The following TNNI3K variants were observed in gnomAD, a reference collection of about 807,000 sequenced individuals.
TNNI3K encodes the protein TNNI3 interacting kinase.
In TNNI3K, 140 loss-of-function variants were observed where a neutral mutation model predicts 114.5. The observed-to-expected ratio is 1.22, with a 90% CI of 1.07 to 1.41. The LOEUF (loss-of-function observed/expected upper bound fraction) is 1.41, where lower values mean the gene tolerates loss of function less well. Ranked by LOEUF, TNNI3K falls within the 40% of genes most tolerant of loss-of-function variation. The pLI, the probability that TNNI3K is intolerant of heterozygous loss-of-function variation, is 0.00. For synonymous variants in TNNI3K, 347 were observed against 347.5 expected, an observed-to-expected ratio of 1.00 and a Z score of 0.02; for missense variants, 1,125 against 1,007.6, an observed-to-expected ratio of 1.12 and a Z score of -1.58.
At chr1:74,337,780 T>C (rs989398125) in intron 7 of TNNI3K, among the ~76,000 whole-genome samples, 1 of 152,106 alleles carries the variant, frequency 6.6e-6, no homozygotes, top group African/African-American at 2.4e-5. Flanking sequence ...TATTGCTATA[T>C]ATAGTTTTGT....
Position 74,236,198 on chromosome 1 carries a change from G to A in TNNI3K, c.137G>A (p.Arg46Lys). 1 of 1,604,874 alleles carries A rather than the reference G, an allele frequency of 6.2e-7. No homozygotes were observed. The highest frequency in any genetic ancestry group is 8.5e-7 in the Non-Finnish European group (1 of 1,174,140). The change falls in exon 2 of 25, where the codon AGG (arginine) becomes AAG (lysine). Residue 46 changes from arginine to lysine, a missense_variant. Transcript: ENST00000326637. ...AAGGAAAAAGAACTGACAGAACTAA[G>A]GAATATATTTGGGTAAAGTTGTAAG... ...QIKEKELTEL[R>K]NIFGSDEAFS...
Position 74,369,067 on chromosome 1 carries a change from T to A in TNNI3K, c.1367T>A (p.Phe456Tyr), listed in dbSNP as rs766654192. The A allele has an allele frequency of 1.2e-6, 2 of 1,610,120 alleles. No individual in the cohort carries two copies. Among genetic ancestry groups the A allele is most frequent in the Admixed American group, 3.4e-5 (2 of 59,534 alleles). The change falls in exon 14 of 25, where the codon TTC (phenylalanine) becomes TAC (tyrosine). Residue 456 changes from phenylalanine to tyrosine, a missense_variant. By Grantham distance (22) the Phe-to-Tyr change is conservative. Transcript: ENST00000326637. ...CTAAGAGCTGGATTGCCTTCACATT[T>A]CCATCTTCAGCTCTCAGAAATTGAG... ...LLLRAGLPSH[F>Y]HLQLSEIEFH...
rs375785403 is a variant in TNNI3K, at chr1:74,463,492, A to T, written c.2063A>T (p.Tyr688Phe). 3 of 1,614,100 alleles carry T rather than the reference A, an allele frequency of 1.9e-6. No individual in the cohort carries two copies. The highest frequency in any genetic ancestry group is 2.7e-5 in the African/African-American group (2 of 74,928). The change falls in exon 21 of 25, where the codon TAT becomes TTT. Residue 688 changes from tyrosine (Y) to phenylalanine (F), a missense_variant. By Grantham distance (22) the Tyr-to-Phe change is conservative (BLOSUM62 3). Transcript: ENST00000326637. Reference protein sequence around the residue: ...AYHHIRPPIGYSIPKPISSLL... With the variant: ...AYHHIRPPIGFSIPKPISSLL... The stretch of plus-strand genomic sequence containing the variant: ...CACCACATCAGACCTCCCATTGGCT[A>T]TTCCATTCCCAAGCCCATATCATCT...
At chr1:74,283,850 T>C (rs903556606) in intron 5 of TNNI3K, among the ~76,000 whole-genome samples, 8 of 152,290 alleles carry the variant, frequency 5.3e-5, no homozygotes, top group Non-Finnish European at 1.0e-4. Flanking sequence ...TTAATTAACA[T>C]GTATTAGCTA....
At chr1:74,296,593 T>G (rs2100305160) in intron 5 of TNNI3K, among the ~76,000 whole-genome samples, 1 of 152,284 alleles carries the variant, frequency 6.6e-6, no homozygotes, top group Admixed American at 6.5e-5. Context: ...TGTTCTTGAA[T>G]ATTTCCTTTA....
chr1:74,296,795 A>G (rs1407868084), intron 5 of TNNI3K, among the ~76,000 whole-genome samples: 2 of 152,168 alleles, frequency 1.3e-5, no homozygotes, highest in East Asian at 1.9e-4. Flanking sequence ...CCAATCATCA[A>G]TTTTACTGTT....
chr1:74,360,429 G>A (rs750734412), intron 11 of TNNI3K, among the ~76,000 whole-genome samples: 5 of 151,810 alleles, frequency 3.3e-5, no homozygotes, highest in African/African-American at 4.8e-5. Flanking sequence ...CATCATATTC[G>A]CTAGATCACC....
intron 24 of TNNI3K, 101 bp from the exon 25 acceptor site, chr1:74,543,804 TC>T (rs1646756241): frequency 7.7e-7 from 1 of 1,303,572 alleles, no homozygotes; most frequent in Admixed American, 1.9e-5. Flanking sequence ...GATTGTCTGT[TC>T]ACATGATCTG....
chr1:74,352,211 G>C (rs897617175), intron 9 of TNNI3K, among the ~76,000 whole-genome samples: 3 of 152,234 alleles, frequency 2.0e-5, no homozygotes, highest in Non-Finnish European at 4.4e-5. Flanking sequence ...CTGCAGGTCT[G>C]TTGGAGTTTA....
At chr1:74,289,481 G>C (rs1657540983) in intron 5 of TNNI3K, among the ~76,000 whole-genome samples, 1 of 4,236 alleles carries the variant, frequency 2.4e-4, no homozygotes, top group African/African-American at 3.5e-4. Context: ...TCACCCATAG[G>C]TAGTGTCATT....
At chr1:74,308,159 A>G (rs1168237816) in intron 5 of TNNI3K, among the ~76,000 whole-genome samples, 2 of 152,096 alleles carry the variant, frequency 1.3e-5, no homozygotes, top group Non-Finnish European at 2.9e-5. Flanking sequence ...CACTTTACCA[A>G]ATGAACCTAA....
At chr1:74,266,336 A>G (rs532534712) in intron 4 of TNNI3K, among the ~76,000 whole-genome samples, 13 of 152,004 alleles carry the variant, frequency 8.6e-5, no homozygotes, top group East Asian at 1.9e-4. Flanking sequence ...CATGGCTGAC[A>G]CAGGTTAGTC....
intron 21 of TNNI3K, among the ~76,000 whole-genome samples, chr1:74,477,672 C>T (rs939204278): frequency 1.3e-5 from 2 of 152,160 alleles, no homozygotes; most frequent in Admixed American, 6.6e-5. Flanking sequence ...CACTCACTCC[C>T]CTGCTCTTGA....
intron 17 of TNNI3K, among the ~76,000 whole-genome samples, chr1:74,423,333 C>G (rs190777556): frequency 3.5e-4 from 53 of 152,214 alleles, no homozygotes; most frequent in African/African-American, 1.3e-3. Flanking sequence ...ACTCATTCTC[C>G]TTACTTCCAC....
chr1:74,472,570 G>T (rs929227511), intron 21 of TNNI3K, among the ~76,000 whole-genome samples: 2 of 151,940 alleles, frequency 1.3e-5, no homozygotes, highest in Non-Finnish European at 2.9e-5. Flanking sequence ...TTTCCCATTT[G>T]CAACTTAAAT....
At chr1:74,398,461 T>C (rs1664196166) in intron 17 of TNNI3K, among the ~76,000 whole-genome samples, 1 of 152,078 alleles carries the variant, frequency 6.6e-6, no homozygotes, top group African/African-American at 2.4e-5. Context: ...TGCCAGACGA[T>C]AAACAAAAAG....
intron 4 of TNNI3K, among the ~76,000 whole-genome samples, chr1:74,254,182 G>A (rs1235440005): frequency 1.3e-5 from 2 of 152,004 alleles, no homozygotes; most frequent in African/African-American, 4.8e-5. Flanking sequence ...AGAACCATTT[G>A]ACAGTAAATT....
At chr1:74,480,498 C>T (rs1026940008) in intron 21 of TNNI3K, 53 of 717,348 alleles carry the variant, frequency 7.4e-5, no homozygotes, top group Non-Finnish European at 1.4e-4. Flanking sequence ...CGGGAAAGGT[C>T]CACTTCCTGT....
intron 23 of TNNI3K, among the ~76,000 whole-genome samples, chr1:74,537,322 A>T (rs184448436): frequency 6.6e-6 from 1 of 152,312 alleles, no homozygotes; most frequent in East Asian, 1.9e-4. Flanking sequence ...GTCTTGAGTG[A>T]TATTCTATTG....
Sources: allele counts gnomAD v4.1 joint callset (sites outside exome capture counted in the v4.1 genomes callset), GRCh38; gene constraint gnomAD v4.1.1; transcripts MANE v1.5; gene names NCBI Gene and HGNC (gene_info 2026-07-23, HGNC 2026-07-21).